The following MYOM3 variants were observed in gnomAD, a reference collection of about 807,000 sequenced individuals.
MYOM3 encodes the protein myomesin-3.
A neutral mutation model predicts 191.7 loss-of-function variants in MYOM3; 155 were observed. That is an observed-to-expected ratio of 0.81 (90% CI 0.71 to 0.92). MYOM3 has a LOEUF of 0.92. Ranked by LOEUF, MYOM3 falls within the 40% of genes least tolerant of loss-of-function variation. MYOM3 has a pLI of 0.00. For synonymous variants in MYOM3, 757 were observed against 762.9 expected (o/e 0.99, Z 0.13); for missense variants, 1,889 against 1,890.6 (o/e 1.00, Z 0.02).
intron 6 of MYOM3, 115 bp downstream of exon 6, chr1:24,099,565 A>G: frequency 1.3e-6 from 1 of 781,160 alleles, no homozygotes; most frequent in Non-Finnish European, 2.2e-6. Flanking sequence ...CACCCTAGAG[A>G]CTTCTGAAGG....
Position 24,111,164 on chromosome 1 carries a change from C to T in MYOM3, c.-19+867G>A, listed in dbSNP as rs978082372. 7.2e-5 allele frequency among the ~76,000 whole-genome samples: 11 copies of T among 152,226 alleles called. No individual in the cohort carries two copies. The highest frequency in any genetic ancestry group is 1.3e-4 in the Non-Finnish European group (9 of 68,048). On this transcript the variant is annotated intron_variant, in intron 1 of 36. Transcript: ENST00000374434. The surrounding 1 kb of genome is among the most constrained non-coding windows in gnomAD (Gnocchi z 4.7). ...CCCAAAGGACCAGGGTGCCTCTTCC[C>T]GGAACACTGTGTGTGCCTGCGTGGA...
At chr1:24,074,731 C>A (rs879704130) in intron 22 of MYOM3, among the ~76,000 whole-genome samples, 1 of 152,190 alleles carries the variant, frequency 6.6e-6, no homozygotes, top group Non-Finnish European at 1.5e-5. Context: ...TTGAAGGTCT[C>A]CTTGAAGGTA....
intron 10 of MYOM3, among the ~76,000 whole-genome samples, 159 bp downstream of exon 10, chr1:24,092,788 G>A (rs560767711): frequency 5.9e-5 from 9 of 152,244 alleles, no homozygotes; most frequent in South Asian, 4.1e-4. Context: ...AGGATGCCAC[G>A]GGGAGTCTTG....
At chr1:24,070,010 C>T (rs6656699) in intron 25 of MYOM3, among the ~76,000 whole-genome samples, 89,298 of 152,054 alleles carry the variant, frequency 0.59, 26,410 homozygotes, top group African/African-American at 0.65. Flanking sequence ...AGGTTGACAT[C>T]GCCATGTCAG....
At chr1:24,081,222 C>G in intron 19 of MYOM3, 108 bp downstream of exon 19, 2 of 1,406,546 alleles carry the variant, frequency 1.4e-6, no homozygotes, top group African/African-American at 1.4e-5. Context: ...GCAGGACAAA[C>G]AGTGCAAGCC....
intron 28 of MYOM3, chr1:24,066,242 C>G (rs1193196506): frequency 1.4e-6 from 1 of 717,196 alleles, no homozygotes; most frequent in African/African-American, 1.7e-5. Context: ...CTCCAGGAAG[C>G]CTTTTTTTTG....
intron 3 of MYOM3, 103 bp downstream of exon 3, chr1:24,107,890 G>T (rs928500751): frequency 1.0e-6 from 1 of 980,220 alleles, no homozygotes; most frequent in Non-Finnish European, 1.6e-6. Context: ...GGGATTTTGG[G>T]CAGGTTCTTT....
At position 24,068,285 on chromosome 1, in the gene MYOM3, T is replaced by C; in HGVS notation, c.3233A>G (p.Tyr1078Cys). 1 of 1,614,198 alleles carries C rather than the reference T, an allele frequency of 6.2e-7. No homozygotes were observed. Among genetic ancestry groups the C allele is most frequent in the Non-Finnish European group, 8.5e-7 (1 of 1,180,014 alleles). The part of the protein sequence containing the change: ...QNLSEEDKGS[Y>C]TAQLQDGKAK... Reference sequence around the variant, plus strand: ...TTTTCCATCTTGGAGTTGAGCGGTGTACGACCCTTTGTCCTCCTCAGACAA... The same window carrying C: ...TTTTCCATCTTGGAGTTGAGCGGTGCACGACCCTTTGTCCTCCTCAGACAA... Residue 1078 changes from tyrosine to cysteine, a missense_variant, in exon 26 of 37, where the codon TAC (tyrosine) becomes TGC (cysteine). Coordinates refer to ENST00000374434, the MANE Select transcript of MYOM3 (RefSeq NM_152372.4).
At position 24,063,262 on chromosome 1, in the gene MYOM3, C is replaced by A. The variant is rs373912646; in HGVS notation, c.3662-28G>T. 9.8e-5 allele frequency: 156 copies of A among 1,586,954 alleles called. No homozygotes were observed. The highest frequency in any genetic ancestry group is 1.2e-4 in the Non-Finnish European group (138 of 1,155,868). Reference sequence around the variant, plus strand: ...GGGGAGACAGAGGAGAAGGATGAATCTTCCCTGAGGCCATTTAGGCATCAG... The same window carrying A: ...GGGGAGACAGAGGAGAAGGATGAATATTCCCTGAGGCCATTTAGGCATCAG... On this transcript the variant is annotated intron_variant, in intron 31 of 36. Coordinates refer to ENST00000374434, the MANE Select transcript of MYOM3 (RefSeq NM_152372.4). This position sits in a 1 kb window ranked among gnomAD's most constrained non-coding sequence, Gnocchi z 4.5.
chr1:24,097,701 C>T lies in MYOM3; in HGVS notation c.745+222G>A, dbSNP rs188226205. 2.8e-3 allele frequency among the ~76,000 whole-genome samples: 433 copies of T among 152,344 alleles called. 3 individuals carry two copies. The highest frequency in any genetic ancestry group is 9.1e-3 in the African/African-American group (379 of 41,580). ...CACAGGGACAGGTGATCCTGCCTCA[C>T]TCACCTTCCACCATCAGCCCAGGCT... On this transcript the variant is annotated intron_variant, in intron 7 of 36. Coordinates refer to ENST00000374434, the MANE Select transcript of MYOM3 (RefSeq NM_152372.4).
chr1:24,081,370 G>T lies in MYOM3; in HGVS notation c.2367C>A (p.Ser789Arg), dbSNP rs1229960203. 3.7e-6 allele frequency: 6 copies of T among 1,614,052 alleles called. No homozygotes were observed. Among genetic ancestry groups the T allele is most frequent in the Non-Finnish European group, 5.1e-6 (6 of 1,180,042 alleles). ...WAGVGELSAP[S>R]SLFECKEWTM... ...TCCACTCTTTGCACTCAAACAGGCT[G>T]CTGGGTGCCGACAGCTCGCCAACAC... Residue 789 changes from serine to arginine, a missense_variant, in exon 19 of 37, where the codon AGC becomes AGA. Physicochemically the swap from Ser to Arg is moderately radical, Grantham distance 110. Transcript: ENST00000374434.
At chr1:24,076,309 G>T in intron 20 of MYOM3, 36 bp from the exon 21 acceptor site, 1 of 1,492,152 alleles carries the variant, frequency 6.7e-7, no homozygotes, top group Non-Finnish European at 9.4e-7. Flanking sequence ...ACTGAGGACA[G>T]CAGTGACTCT....
intron 27 of MYOM3, among the ~76,000 whole-genome samples, chr1:24,067,428 T>G (rs1643463448): frequency 7.9e-6 from 1 of 126,012 alleles, no homozygotes; most frequent in African/African-American, 3.1e-5. Flanking sequence ...CCTTCCTTCC[T>G]TCCTTCCTTC....
chr1:24,107,866 C>T (rs1643997767), intron 3 of MYOM3, 127 bp downstream of exon 3: 1 of 789,666 alleles, frequency 1.3e-6, no homozygotes, highest in Non-Finnish European at 2.1e-6. Flanking sequence ...TGTCTAGACC[C>T]TTATTCTAGA....
rs1356680659 is a variant in MYOM3 at position 24,064,113 on chromosome 1, TC to T, written c.3580del (p.Asp1194IlefsTer34). Reference sequence around the variant, plus strand: ...CAATATGGTGTCGTCCTCCCCTCGATCGTCAGAAACCATCGCTCTGTAAATT... The same window carrying T: ...CAATATGGTGTCGTCCTCCCCTCGATGTCAGAAACCATCGCTCTGTAAATT... ...KGIYRAMVSD[D>X]RGEDDTILDL... On this transcript the variant is annotated frameshift_variant, in exon 30 of 37. Transcript: ENST00000374434. LOFTEE classifies it high-confidence loss of function. 5 of 1,613,960 alleles carry T rather than the reference TC, an allele frequency of 3.1e-6. No homozygotes were observed. Among genetic ancestry groups the T allele is most frequent in the Non-Finnish European group, 3.4e-6 (4 of 1,179,998 alleles).
At chr1:24,100,680 C>A (rs566319488) in intron 5 of MYOM3, among the ~76,000 whole-genome samples, 1 of 152,210 alleles carries the variant, frequency 6.6e-6, no homozygotes, top group African/African-American at 2.4e-5. Context: ...AGGTCAGGAG[C>A]TCGAGACTAT....
chr1:24,104,786 G>C (rs1570888490), intron 5 of MYOM3, among the ~76,000 whole-genome samples: 1 of 152,186 alleles, frequency 6.6e-6, no homozygotes, highest in African/African-American at 2.4e-5. Context: ...GGGTTCAAGT[G>C]GTCCTCCCTC....
chr1:24,068,433 G>A, intron 25 of MYOM3, 66 bp from the exon 26 acceptor site: 3 of 1,588,272 alleles, frequency 1.9e-6, no homozygotes, highest in Non-Finnish European at 2.6e-6. Context: ...GTACACATCA[G>A]AGTGTAGTGG....
chr1:24,066,865 G>T (rs1049769023), intron 28 of MYOM3, 156 bp downstream of exon 28: 2 of 649,948 alleles, frequency 3.1e-6, no homozygotes, highest in Admixed American at 3.0e-5. Flanking sequence ...TTTGGGTTAC[G>T]TGTGGTCTCC....
Sources: gnomAD v4.1 joint callset for allele counts (sites outside exome capture counted in the v4.1 genomes callset) on GRCh38, gnomAD v4.1.1 for gene constraint, Gnocchi (gnomAD v3.1) non-coding constraint, MANE v1.5 for transcripts, NCBI Gene and HGNC (gene_info 2026-07-23, HGNC 2026-07-21) for gene names.